UBR2: variants seen among roughly 807,000 people sequenced by gnomAD.
UBR2 encodes the protein E3 ubiquitin-protein ligase UBR2.
Under a neutral mutation model 247.9 loss-of-function variants are expected in UBR2, and 92 were observed. The ratio of observed to expected loss-of-function variants is 0.37; its 90% CI spans 0.31 to 0.44. UBR2 has a LOEUF of 0.44. Among genes scored for constraint, UBR2 ranks in the 20% least tolerant of loss-of-function variants. The pLI, the probability that UBR2 is intolerant of heterozygous loss-of-function variation, is 1.00. For missense variants in UBR2, 1,613 were observed against 2,112.6 expected (o/e 0.76, Z 4.64); for synonymous variants, 672 against 693.5 (o/e 0.97, Z 0.49).
chr6:42,674,310 G>A, intron 38 of UBR2, 117 bp downstream of exon 38: 4 of 904,782 alleles, frequency 4.4e-6, no homozygotes, highest in Non-Finnish European at 6.6e-6. Context: ...TACCCCTTCT[G>A]AGTATAATTC....
Position 42,659,560 on chromosome 6 carries a change from C to CT in UBR2, c.3243-96_3243-95insT, listed in dbSNP as rs1797678494. Reference sequence around the variant, plus strand: ...ACACACACACACACACACACACACACACTACACACACACACACATACCTGT... The same window carrying CT: ...ACACACACACACACACACACACACACTACTACACACACACACACATACCTGT... On this transcript the variant is annotated intron_variant, in intron 29 of 46. Transcript: ENST00000372901. The surrounding 1 kb of genome is among the most constrained non-coding windows in gnomAD (Gnocchi z 4.3). The CT allele has an allele frequency of 1.7e-5, 12 of 709,424 alleles. No homozygotes were observed. The highest frequency in any genetic ancestry group is 3.0e-4 in the Middle Eastern group (1 of 3,316). The allele number at this position is 709,424 out of a possible 1,614,324, so 43.9% of individuals were successfully genotyped here.
intron 1 of UBR2, among the ~76,000 whole-genome samples, chr6:42,566,989 T>C (rs1790818855): frequency 6.6e-6 from 1 of 152,372 alleles, no homozygotes; most frequent in African/African-American, 2.4e-5. Context: ...TCAGCTTTTT[T>C]ATCACACATT....
Position 42,672,504 on chromosome 6 carries a change from G to A in UBR2, c.4087-1287G>A, listed in dbSNP as rs74899107. ...TCTTCTCTAATACGTTATTAGAGGG[G>A]CTCCTCAAAAGCAATCCTGTTCATA... is the stretch of plus-strand genomic sequence containing the variant. On this transcript the variant is annotated intron_variant, in intron 36 of 46. Transcript: ENST00000372901. Among the ~76,000 whole-genome samples, 59 of 152,068 alleles carry A rather than the reference G, an allele frequency of 3.9e-4. 1 individual carries two copies. In the East Asian group the frequency reaches 0.01, roughly 26 times the overall value.
chr6:42,609,308 C>T (rs1019072006), intron 7 of UBR2, among the ~76,000 whole-genome samples: 7 of 152,004 alleles, frequency 4.6e-5, no homozygotes, highest in Admixed American at 2.6e-4. Context: ...GAGACAGAGA[C>T]GATGAATGCC....
chr6:42,684,721 C>A, intron 43 of UBR2, 73 bp from the exon 44 acceptor site: 1 of 1,128,200 alleles, frequency 8.9e-7, no homozygotes, highest in Non-Finnish European at 1.3e-6. Context: ...CAGGTATGTG[C>A]ACATGGAAGT....
chr6:42,615,841 G>A (rs765114789), intron 9 of UBR2, among the ~76,000 whole-genome samples, 161 bp from the exon 10 acceptor site: 2 of 151,500 alleles, frequency 1.3e-5, no homozygotes, highest in South Asian at 2.1e-4. Context: ...GGAGGATCGC[G>A]TGAGCCCAGG....
intron 46 of UBR2, among the ~76,000 whole-genome samples, chr6:42,690,400 GA>G (rs920662452): frequency 5.3e-5 from 8 of 152,194 alleles, no homozygotes; most frequent in Non-Finnish European, 5.9e-5. Context: ...AGGAGGAGGA[GA>G]GTCTGATTAG....
chr6:42,649,905 G>T (rs1279356001), intron 22 of UBR2, among the ~76,000 whole-genome samples: 1 of 152,136 alleles, frequency 6.6e-6, no homozygotes, highest in Non-Finnish European at 1.5e-5. Flanking sequence ...TAGTGTACCT[G>T]CTTTTTTCTG....
chr6:42,658,506 TAA>T, intron 28 of UBR2, 138 bp from the exon 29 acceptor site: 1 of 1,118,134 alleles, frequency 8.9e-7, no homozygotes, highest in Non-Finnish European at 1.2e-6. Context: ...CAAGTCAGTT[TAA>T]GAGTCTTTTC....
intron 36 of UBR2, 81 bp downstream of exon 36, chr6:42,670,796 C>T: frequency 9.4e-7 from 1 of 1,067,006 alleles, no homozygotes; most frequent in Non-Finnish European, 1.4e-6. Flanking sequence ...TATGGACCTG[C>T]AGTAGTTACT....
At chr6:42,631,955 G>A (rs1795764711) in intron 11 of UBR2, among the ~76,000 whole-genome samples, 1 of 138,798 alleles carries the variant, frequency 7.2e-6, no homozygotes, top group Non-Finnish European at 1.5e-5. Context: ...GCAAGAATAT[G>A]CAAGGAACTA....
chr6:42,608,911 A>G (rs915876399), intron 7 of UBR2, among the ~76,000 whole-genome samples: 4 of 152,176 alleles, frequency 2.6e-5, no homozygotes, highest in African/African-American at 9.7e-5. Context: ...TATAATTTGT[A>G]TGTTTTATGA....
rs1793803967 is a variant in UBR2 at position 42,607,719 on chromosome 6, T to TG, written c.864+1068_864+1069insG. On this transcript the variant is annotated intron_variant, in intron 7 of 46. Coordinates refer to ENST00000372901, the MANE Select transcript of UBR2 (RefSeq NM_001363705.2). ...GTCCCACCACTCCCAGCTGTTTTTTTTTTTTTTTTTTTTTTAGTAGAGAAG... is the reference window on the plus strand; with the variant it reads ...GTCCCACCACTCCCAGCTGTTTTTTTGTTTTTTTTTTTTTTTAGTAGAGAAG... 3.5e-5 allele frequency among the ~76,000 whole-genome samples: 5 copies of TG among 143,700 alleles called. No homozygotes were observed. The Admixed American group carries it at 3.5e-4, about 10-fold the overall frequency. 94.3% of individuals were successfully genotyped at this position (143,700 alleles called of 152,430 possible).
At position 42,689,536 on chromosome 6, in the gene UBR2, T is replaced by A; in HGVS notation, c.5025-33T>A. On this transcript the variant is annotated intron_variant, in intron 45 of 46. Coordinates refer to ENST00000372901, the MANE Select transcript of UBR2 (RefSeq NM_001363705.2). This position sits in a 1 kb window ranked among gnomAD's most constrained non-coding sequence, Gnocchi z 4.0. ...AATACAAATGTTGGTTACTAATGTG[T>A]AAATGTGTAACGTATGACTGATCTC... is the stretch of plus-strand genomic sequence containing the variant. The A allele has an allele frequency of 6.3e-7, 1 of 1,584,094 alleles. No individual in the cohort carries two copies. Among genetic ancestry groups the A allele is most frequent in the Non-Finnish European group, 8.7e-7 (1 of 1,152,670 alleles).
intron 26 of UBR2, 82 bp from the exon 27 acceptor site, chr6:42,657,942 C>A: frequency 9.8e-7 from 1 of 1,023,804 alleles, no homozygotes; most frequent in Non-Finnish European, 1.5e-6. Context: ...TTATAAGCAA[C>A]TGCATTTATG....
At position 42,642,454 on chromosome 6, in the gene UBR2, G is replaced by A; in HGVS notation, c.2070G>A (p.Met690Ile). ...ATAATGTGAAATGCAGACGTGAGAT[G>A]TTTGACAAGGATGTAGTAATGCTTC... Reference protein sequence around the residue: ...YYHNVKCRREMFDKDVVMLQT... With the variant: ...YYHNVKCRREIFDKDVVMLQT... Residue 690 changes from methionine (M) to isoleucine (I), a missense_variant, in exon 18 of 47, where the codon ATG (methionine) becomes ATA (isoleucine). Physicochemically the swap from Met to Ile is conservative, Grantham distance 10. This residue lies in a region of UBR2 where 1,524 missense variants were observed against 1,967.3 expected (regional missense o/e 0.77). Transcript: ENST00000372901. 6.2e-7 allele frequency: 1 copy of A among 1,611,300 alleles called. No homozygotes were observed. Among genetic ancestry groups the A allele is most frequent in the Non-Finnish European group, 8.5e-7 (1 of 1,178,018 alleles).
chr6:42,631,118 G>A (rs1447186348), intron 11 of UBR2, among the ~76,000 whole-genome samples: 1 of 152,094 alleles, frequency 6.6e-6, no homozygotes, highest in East Asian at 1.9e-4. Flanking sequence ...TCTACGTTTT[G>A]ATGAAACTTT....
intron 44 of UBR2, among the ~76,000 whole-genome samples, chr6:42,685,468 ATT>A (rs35244800): frequency 2.1e-4 from 31 of 144,892 alleles, no homozygotes; most frequent in East Asian, 4.0e-4. Flanking sequence ...GCCCTTAGTA[ATT>A]TTTTTTTTTT....
chr6:42,668,146 A>G (rs1041984540), intron 34 of UBR2, among the ~76,000 whole-genome samples: 1 of 152,014 alleles, frequency 6.6e-6, no homozygotes, highest in African/African-American at 2.4e-5. Flanking sequence ...CTGTTCTCCT[A>G]CAGTCAGGAG....
Sources: gnomAD v4.1 joint callset for allele counts (sites outside exome capture counted in the v4.1 genomes callset) on GRCh38, gnomAD v4.1.1 for gene constraint, gnomAD v4.1.1 regional missense constraint, Gnocchi (gnomAD v3.1) non-coding constraint, MANE v1.5 for transcripts, NCBI Gene and HGNC (gene_info 2026-07-23, HGNC 2026-07-21) for gene names.